CACNA1C: variants seen among roughly 807,000 people sequenced by gnomAD.
CACNA1C encodes calcium voltage-gated channel subunit alpha1 C.
A neutral mutation model predicts 229.0 loss-of-function variants in CACNA1C; 30 were observed. That is an observed-to-expected ratio of 0.13 (90% CI 0.10 to 0.18). The LOEUF (loss-of-function observed/expected upper bound fraction) is 0.18. Among genes scored for constraint, CACNA1C ranks in the 10% least tolerant of loss-of-function variants. The probability of loss-of-function intolerance (pLI) is 1.00; values close to 1 mark genes in which losing one functional copy is unlikely to be tolerated. For missense variants in CACNA1C, 1,658 were observed against 2,845.0 expected (o/e 0.58, Z 9.49); for synonymous variants, 1,114 against 1,132.5 (o/e 0.98, Z 0.33).
chr12:2,482,797 C>T (rs183281988), intron 5 of CACNA1C, among the ~76,000 whole-genome samples: 3 of 152,268 alleles, frequency 2.0e-5, no homozygotes, highest in Admixed American at 1.3e-4. Context: ...AAGTCTTTCC[C>T]GGACACTTCG....
intron 3 of CACNA1C, among the ~76,000 whole-genome samples, chr12:2,261,744 AAC>A (rs141539866): frequency 6.6e-6 from 1 of 151,410 alleles, no homozygotes; most frequent in African/African-American, 2.4e-5. Context: ...GTCCTTGTGC[AAC>A]ACACACACAC....
At chr12:2,574,525 C>T (rs1279549480) in intron 13 of CACNA1C, among the ~76,000 whole-genome samples, 1 of 152,230 alleles carries the variant, frequency 6.6e-6, no homozygotes, top group East Asian at 1.9e-4. Flanking sequence ...CTGCAGCTCC[C>T]TTCCCAGGCC....
intron 9 of CACNA1C, among the ~76,000 whole-genome samples, chr12:2,540,783 C>G (rs376380906): frequency 6.6e-6 from 1 of 152,114 alleles, no homozygotes. Context: ...GAGGGCAGCC[C>G]GGTGTGGTTG....
At chr12:2,374,526 G>A (rs534447880) in intron 3 of CACNA1C, among the ~76,000 whole-genome samples, 134 of 152,304 alleles carry the variant, frequency 8.8e-4, no homozygotes, top group Middle Eastern at 3.4e-3. Context: ...GCCTTCCGTG[G>A]GCCAGGCCTC....
At chr12:2,625,783 AAAAAAAAAAAAATTCTATTTTT>A (rs1233631965) in intron 29 of CACNA1C, among the ~76,000 whole-genome samples, 1 of 152,056 alleles carries the variant, frequency 6.6e-6, no homozygotes, top group Non-Finnish European at 1.5e-5. Flanking sequence ...TCTCTAAAAA[AAAAAAAAAAAAATTCTATTTTT>A]AAATTAGACA....
chr12:2,127,062 A>T (rs1172544881), intron 3 of CACNA1C, among the ~76,000 whole-genome samples: 2 of 152,156 alleles, frequency 1.3e-5, no homozygotes, highest in Non-Finnish European at 2.9e-5. Flanking sequence ...AGAAGCTGGG[A>T]TCCATTAATG....
chr12:2,225,099 T>G (rs958527142), intron 3 of CACNA1C, among the ~76,000 whole-genome samples: 3 of 152,206 alleles, frequency 2.0e-5, no homozygotes, highest in African/African-American at 7.2e-5. Flanking sequence ...TGCAAGTCAC[T>G]TCACCTCTCT....
chr12:2,477,147 G>GTC (rs2154568974), intron 5 of CACNA1C, among the ~76,000 whole-genome samples: 1 of 152,264 alleles, frequency 6.6e-6, no homozygotes, highest in East Asian at 1.9e-4. Context: ...GATTCATCAC[G>GTC]TCTCCAGCTT....
At chr12:2,218,563 C>G (rs2060583006) in intron 3 of CACNA1C, among the ~76,000 whole-genome samples, 1 of 152,144 alleles carries the variant, frequency 6.6e-6, no homozygotes, top group Non-Finnish European at 1.5e-5. Flanking sequence ...CTACGTCCAG[C>G]CTAGAGCTCA....
chr12:2,579,485 A>T (rs1161837101), intron 13 of CACNA1C, among the ~76,000 whole-genome samples: 2 of 152,042 alleles, frequency 1.3e-5, no homozygotes, highest in African/African-American at 4.8e-5. Context: ...CCAGAGTCAG[A>T]GATTAGGGTT....
intron 9 of CACNA1C, among the ~76,000 whole-genome samples, chr12:2,522,630 C>T (rs912922880): frequency 3.3e-5 from 5 of 152,128 alleles, no homozygotes; most frequent in Admixed American, 6.5e-5. Flanking sequence ...ACATACTCCC[C>T]GTAGGAGGGG....
intron 3 of CACNA1C, among the ~76,000 whole-genome samples, chr12:2,437,748 T>G (rs537796871): frequency 2.0e-5 from 3 of 151,660 alleles, no homozygotes; most frequent in African/African-American, 7.3e-5. Context: ...GTAATGGGGA[T>G]GGTGGTAATG....
chr12:2,097,431 C>A (rs201855383), intron 1 of CACNA1C, among the ~76,000 whole-genome samples: 1 of 152,172 alleles, frequency 6.6e-6, no homozygotes, highest in Admixed American at 6.5e-5. Flanking sequence ...CAGATGTGAG[C>A]CACCGCGCCT....
rs2096858234 is a variant in CACNA1C, at chr12:2,677,029, G to T, written c.4829-65G>T. 5.2e-6 allele frequency: 7 copies of T among 1,345,064 alleles called. No individual in the cohort carries two copies. The highest frequency in any genetic ancestry group is 7.3e-6 in the Non-Finnish European group (7 of 961,484). 83.3% of individuals were successfully genotyped at this position (1,345,064 alleles called of 1,614,324 possible). On this transcript the variant is annotated intron_variant, in intron 39 of 46. Transcript: ENST00000399655. This position sits in a 1 kb window ranked among gnomAD's most constrained non-coding sequence, Gnocchi z 7.4. ...AGTTTTGGATGCTGAAAAAAAAAAT[G>T]AATGAAGTTCAACTGAATTCCCCTG...
At position 2,653,071 on chromosome 12, in the gene CACNA1C, G is replaced by A. The variant is rs1025364012; in HGVS notation, c.4075-764G>A. On this transcript the variant is annotated intron_variant, in intron 32 of 46. Coordinates refer to ENST00000399655, the MANE Select transcript of CACNA1C (RefSeq NM_000719.7). This position sits in a 1 kb window ranked among gnomAD's most constrained non-coding sequence, Gnocchi z 4.7. Reference sequence around the variant, plus strand: ...CACGGGCTGGGCCTCCCATCCTGGGGACCATGGCCTGTCCCCAGAAGTCAC... The same window carrying A: ...CACGGGCTGGGCCTCCCATCCTGGGAACCATGGCCTGTCCCCAGAAGTCAC... Among the ~76,000 whole-genome samples the A allele has an allele frequency of 2.6e-5, 4 of 152,338 alleles. No homozygotes were observed. The highest frequency in any genetic ancestry group is 2.0e-4 in the Admixed American group (3 of 15,306).
intron 24 of CACNA1C, 120 bp from the exon 25 acceptor site, chr12:2,606,491 C>T: frequency 1.2e-6 from 1 of 810,554 alleles, no homozygotes; most frequent in Non-Finnish European, 2.1e-6. Context: ...CATCTGGATT[C>T]TGCACTTTTT....
intron 21 of CACNA1C, among the ~76,000 whole-genome samples, chr12:2,600,613 G>T (rs1477586942): frequency 6.6e-6 from 1 of 152,250 alleles, no homozygotes; most frequent in East Asian, 1.9e-4. Context: ...TCGGCAAAAT[G>T]AGAAAGGCTG....
At chr12:2,650,216 G>A (rs1231837375) in intron 31 of CACNA1C, among the ~76,000 whole-genome samples, 1 of 152,200 alleles carries the variant, frequency 6.6e-6, no homozygotes, top group East Asian at 1.9e-4. Flanking sequence ...GGGCAGAGTG[G>A]TGGCTGCCTT....
intron 7 of CACNA1C, among the ~76,000 whole-genome samples, chr12:2,494,012 T>C (rs2099741639): frequency 6.6e-6 from 1 of 152,198 alleles, no homozygotes; most frequent in African/African-American, 2.4e-5. Context: ...AATACACTTT[T>C]TTTTTTTAAT....
Sources: gnomAD v4.1 joint callset for allele counts (sites outside exome capture counted in the v4.1 genomes callset) on GRCh38, gnomAD v4.1.1 for gene constraint, Gnocchi (gnomAD v3.1) non-coding constraint, MANE v1.5 for transcripts, NCBI Gene and HGNC (gene_info 2026-07-23, HGNC 2026-07-21) for gene names.